The following TRPM3 variants were observed in gnomAD, a reference collection of about 807,000 sequenced individuals.
TRPM3 encodes long transient receptor potential channel 3.
Under a neutral mutation model 181.2 loss-of-function variants are expected in TRPM3, and 77 were observed. The ratio of observed to expected loss-of-function variants is 0.42; its 90% CI spans 0.35 to 0.51. TRPM3 has a LOEUF of 0.51. TRPM3 is among the 20% of genes least tolerant of loss of function. The pLI is 0.01. For synonymous variants in TRPM3, 745 were observed against 796.4 expected (o/e 0.94, Z 1.09); for missense variants, 1,759 against 2,196.7 (o/e 0.80, Z 3.98).
At chr9:70,643,340 C>T (rs1002285201) in intron 9 of TRPM3, among the ~76,000 whole-genome samples, 3 of 152,154 alleles carry the variant, frequency 2.0e-5, no homozygotes, top group Non-Finnish European at 4.4e-5. Flanking sequence ...TTTAATCATT[C>T]CCTTTGCCAT....
intron 1 of TRPM3, among the ~76,000 whole-genome samples, chr9:70,890,287 T>A (rs2096177426): frequency 6.6e-6 from 1 of 151,680 alleles, no homozygotes; most frequent in Non-Finnish European, 1.5e-5. Context: ...GAAGCAAACG[T>A]GAGGCTATCT....
At chr9:71,055,027 T>C (rs971863031) in intron 1 of TRPM3, among the ~76,000 whole-genome samples, 1 of 152,138 alleles carries the variant, frequency 6.6e-6, no homozygotes, top group Non-Finnish European at 1.5e-5. Flanking sequence ...AGCAGTGGGT[T>C]CAGAGTAGAT....
chr9:71,099,099 G>C (rs150557590), intron 1 of TRPM3, among the ~76,000 whole-genome samples: 185 of 152,228 alleles, frequency 1.2e-3, no homozygotes, highest in African/African-American at 4.1e-3. Flanking sequence ...AAACTAGGTG[G>C]CTTATAAAAA....
At chr9:70,955,605 T>G (rs958525070) in intron 1 of TRPM3, among the ~76,000 whole-genome samples, 6 of 152,202 alleles carry the variant, frequency 3.9e-5, no homozygotes, top group East Asian at 1.9e-4. Context: ...CAAGGTCACA[T>G]GGAAAATCAA....
intron 1 of TRPM3, among the ~76,000 whole-genome samples, chr9:71,133,782 A>C (rs1339267886): frequency 6.6e-6 from 1 of 152,126 alleles, no homozygotes; most frequent in African/African-American, 2.4e-5. Flanking sequence ...TCTAGCAGCC[A>C]TTTTCTTTAT....
At chr9:70,996,045 T>C (rs991411868) in intron 1 of TRPM3, among the ~76,000 whole-genome samples, 1 of 152,224 alleles carries the variant, frequency 6.6e-6, no homozygotes, top group Non-Finnish European at 1.5e-5. Flanking sequence ...GAAGGGCAAT[T>C]ACTGTGTCTT....
intron 1 of TRPM3, among the ~76,000 whole-genome samples, chr9:70,971,752 G>T (rs1411077110): frequency 1.3e-5 from 2 of 152,140 alleles, no homozygotes; most frequent in Admixed American, 6.6e-5. Context: ...AACCATTTGG[G>T]AAGTAGATTG....
Position 71,028,630 on chromosome 9 carries a change from GAA to G in TRPM3, c.177+92546_177+92547del, listed in dbSNP as rs201506044. On this transcript the variant is annotated intron_variant, in intron 1 of 25. Coordinates refer to ENST00000677713, the MANE Select transcript of TRPM3 (RefSeq NM_001366145.2). Reference sequence around the variant, plus strand: ...AGGGATCATGAAAAATCTACCAAATGAAAAAAAAAAAAAAGCAGGAATTACAA... The same window carrying G: ...AGGGATCATGAAAAATCTACCAAATGAAAAAAAAAAAAGCAGGAATTACAA... Among the ~76,000 whole-genome samples, 724 of 99,692 alleles carry G rather than the reference GAA, an allele frequency of 7.3e-3. 17 individuals carry two copies. In the East Asian group the frequency reaches 0.11, roughly 15 times the overall value. The allele number at this position is 99,692 out of a possible 152,430, so 65.4% of individuals were successfully genotyped here. A position where few individuals can be genotyped will look rare whatever the true frequency, so the allele number is the denominator to read the frequency against.
chr9:70,975,400 A>C (rs2097292965), intron 1 of TRPM3, among the ~76,000 whole-genome samples: 1 of 152,072 alleles, frequency 6.6e-6, no homozygotes. Flanking sequence ...TGTTGTGAAG[A>C]CCTCCATGTG....
chr9:70,784,323 C>T, intron 6 of TRPM3, 44 bp from the exon 7 acceptor site: 1 of 1,525,316 alleles, frequency 6.6e-7, no homozygotes, highest in East Asian at 2.4e-5. Flanking sequence ...GAGAAAAGAA[C>T]ACAAAGCCAG....
rs189971181 is a variant in TRPM3, at chr9:70,826,326, G to A, written c.973+1521C>T. ...GCTTTGTTACATTTGATCTCTGCTGGTCTCTGTATATTTTCTAGTCTTTTC... is the reference window on the plus strand; with the variant it reads ...GCTTTGTTACATTTGATCTCTGCTGATCTCTGTATATTTTCTAGTCTTTTC... On this transcript the variant is annotated intron_variant, in intron 6 of 25. Transcript: ENST00000677713. 173 of 152,260 alleles carry A rather than the reference G, an allele frequency of 1.1e-3. 1 individual carries two copies. The highest frequency in any genetic ancestry group is 3.9e-3 in the African/African-American group (163 of 41,554). 9.4% of individuals were successfully genotyped at this position (152,260 alleles called of 1,614,324 possible).
chr9:71,387,002 C>T (rs1461388655), intron 1 of TRPM3, among the ~76,000 whole-genome samples: 2 of 152,116 alleles, frequency 1.3e-5, no homozygotes, highest in Non-Finnish European at 2.9e-5. Context: ...TCAGAGACAG[C>T]ATTTGCTCAA....
chr9:71,107,155 T>C (rs2069824516), intron 1 of TRPM3, among the ~76,000 whole-genome samples: 1 of 152,248 alleles, frequency 6.6e-6, no homozygotes, highest in South Asian at 2.1e-4. Context: ...CCCCCAACCC[T>C]GCACAGAGGC....
intron 6 of TRPM3, among the ~76,000 whole-genome samples, chr9:70,790,169 T>G (rs1450899022): frequency 6.6e-6 from 1 of 152,184 alleles, no homozygotes; most frequent in Non-Finnish European, 1.5e-5. Flanking sequence ...CACCCACAGA[T>G]GATCTAAAGT....
intron 1 of TRPM3, among the ~76,000 whole-genome samples, chr9:70,929,876 G>A (rs545916192): frequency 1.3e-5 from 2 of 152,318 alleles, no homozygotes; most frequent in South Asian, 4.1e-4. Context: ...TTAGGCCTCA[G>A]AATTTCAGCT....
intron 1 of TRPM3, among the ~76,000 whole-genome samples, chr9:71,387,909 C>G (rs1380724424): frequency 1.3e-5 from 2 of 152,158 alleles, no homozygotes; most frequent in African/African-American, 4.8e-5. Flanking sequence ...TTATAACATA[C>G]TTTTCTACTC....
intron 1 of TRPM3, among the ~76,000 whole-genome samples, chr9:71,117,375 G>A (rs1010317124): frequency 6.6e-6 from 1 of 152,276 alleles, no homozygotes; most frequent in South Asian, 2.1e-4. Context: ...GGGTGAAAAT[G>A]TAATCGTGGT....
chr9:71,256,742 C>T (rs891016835), intron 1 of TRPM3, among the ~76,000 whole-genome samples: 3 of 151,974 alleles, frequency 2.0e-5, no homozygotes, highest in Admixed American at 1.3e-4. Context: ...ACAGATGCCA[C>T]GTATGAGGCT....
At chr9:70,593,724 C>A (rs758790345) in intron 21 of TRPM3, among the ~76,000 whole-genome samples, 1 of 151,718 alleles carries the variant, frequency 6.6e-6, no homozygotes, top group African/African-American at 2.4e-5. Flanking sequence ...TTAGTGAGAA[C>A]TGGGGCTGGC....
Sources: allele counts gnomAD v4.1 joint callset (sites outside exome capture counted in the v4.1 genomes callset), GRCh38; gene constraint gnomAD v4.1.1; transcripts MANE v1.5; gene names NCBI Gene and HGNC (gene_info 2026-07-23, HGNC 2026-07-21).